The following NALF1 variants were observed in gnomAD, a reference collection of about 807,000 sequenced individuals.
NALF1 encodes NALCN channel auxiliary factor 1.
Under a neutral mutation model 48.4 loss-of-function variants are expected in NALF1, and 3 were observed. The ratio of observed to expected loss-of-function variants is 0.06; its 90% CI spans 0.03 to 0.16. NALF1 has a LOEUF of 0.16. Ranked by LOEUF, NALF1 falls within the 10% of genes least tolerant of loss-of-function variation. The pLI is 1.00. For synonymous variants in NALF1, 262 were observed against 245.7 expected (o/e 1.07, Z -0.62); for missense variants, 526 against 571.5 (o/e 0.92, Z 0.81).
intron 1 of NALF1, among the ~76,000 whole-genome samples, chr13:107,223,905 G>C (rs1880045216): frequency 6.6e-6 from 1 of 152,180 alleles, no homozygotes; most frequent in African/African-American, 2.4e-5. Flanking sequence ...GGCAGAAACA[G>C]AGGGCCTATC....
chr13:107,462,861 C>A (rs776892971), intron 1 of NALF1, among the ~76,000 whole-genome samples: 17 of 152,224 alleles, frequency 1.1e-4, no homozygotes, highest in Non-Finnish European at 1.9e-4. Context: ...GCCCTATGCA[C>A]CTTTTCCCTT....
chr13:107,297,105 C>T (rs867898098), intron 1 of NALF1, among the ~76,000 whole-genome samples: 4 of 151,982 alleles, frequency 2.6e-5, no homozygotes, highest in East Asian at 3.9e-4. Flanking sequence ...GTTGAGCACC[C>T]CGAGCCTCTC....
At chr13:107,622,469 AAC>A (rs1168974310) in intron 1 of NALF1, among the ~76,000 whole-genome samples, 95 of 91,318 alleles carry the variant, frequency 1.0e-3, no homozygotes, top group East Asian at 6.7e-3. Flanking sequence ...CAACAACAAC[AAC>A]AAAAAAAAAA....
At chr13:107,237,057 C>A (rs890240300) in intron 1 of NALF1, among the ~76,000 whole-genome samples, 1 of 149,638 alleles carries the variant, frequency 6.7e-6, no homozygotes, top group Non-Finnish European at 1.5e-5. Context: ...CTGAATCAAT[C>A]CCACACAGAT....
chr13:107,399,040 C>A (rs918430286), intron 1 of NALF1, among the ~76,000 whole-genome samples: 1 of 152,170 alleles, frequency 6.6e-6, no homozygotes, highest in Admixed American at 6.5e-5. Context: ...TAGGTTAGAG[C>A]AAGCACAGCT....
intron 1 of NALF1, among the ~76,000 whole-genome samples, chr13:107,425,697 AT>A (rs1233763522): frequency 4.6e-5 from 7 of 152,134 alleles, no homozygotes; most frequent in African/African-American, 1.7e-4. Flanking sequence ...ATATTATGAT[AT>A]TGAATACCTA....
intron 1 of NALF1, among the ~76,000 whole-genome samples, chr13:107,429,247 G>T (rs112885509): frequency 6.6e-6 from 1 of 151,838 alleles, no homozygotes; most frequent in African/African-American, 2.4e-5. Flanking sequence ...GCCTGAACCC[G>T]GGACATGGAG....
At chr13:107,484,273 T>C (rs889730483) in intron 1 of NALF1, among the ~76,000 whole-genome samples, 2 of 152,198 alleles carry the variant, frequency 1.3e-5, no homozygotes, top group Non-Finnish European at 2.9e-5. Context: ...GTATTCAATA[T>C]GAAATTGAAC....
At chr13:107,761,935 G>T (rs1435655378) in intron 1 of NALF1, among the ~76,000 whole-genome samples, 2 of 152,104 alleles carry the variant, frequency 1.3e-5, no homozygotes, top group East Asian at 3.8e-4. Context: ...ATTTAAATAT[G>T]CCCACTACAT....
At chr13:107,841,953 G>T (rs1880053328) in intron 1 of NALF1, among the ~76,000 whole-genome samples, 1 of 151,758 alleles carries the variant, frequency 6.6e-6, no homozygotes, top group African/African-American at 2.4e-5. Context: ...ATATTAATGA[G>T]TAGCCACATA....
intron 1 of NALF1, among the ~76,000 whole-genome samples, chr13:107,697,595 G>A (rs938604955): frequency 2.0e-5 from 3 of 151,876 alleles, no homozygotes; most frequent in Non-Finnish European, 2.9e-5. Flanking sequence ...GTTTGGTCCT[G>A]AAAATTTTAT....
chr13:107,519,018 T>C (rs761052977), intron 1 of NALF1, among the ~76,000 whole-genome samples: 1 of 152,308 alleles, frequency 6.6e-6, no homozygotes. Flanking sequence ...ACTCAGAGGA[T>C]GTGCATCCGA....
chr13:107,201,993 A>G (rs1176404700), intron 2 of NALF1, among the ~76,000 whole-genome samples: 2 of 152,210 alleles, frequency 1.3e-5, no homozygotes, highest in Admixed American at 6.5e-5. Flanking sequence ...TAAAGGTACA[A>G]CATACCATAT....
At chr13:107,463,478 T>C (rs753589790) in intron 1 of NALF1, among the ~76,000 whole-genome samples, 3 of 152,206 alleles carry the variant, frequency 2.0e-5, no homozygotes, top group Non-Finnish European at 2.9e-5. Flanking sequence ...ATATCAAATT[T>C]TGAAATTTAC....
intron 1 of NALF1, among the ~76,000 whole-genome samples, chr13:107,377,375 C>G (rs1208555189): frequency 6.6e-6 from 1 of 152,214 alleles, no homozygotes; most frequent in Non-Finnish European, 1.5e-5. Flanking sequence ...GCTGTTTCTA[C>G]ACTAGTCACT....
At chr13:107,225,051 C>T (rs1880073837) in intron 1 of NALF1, among the ~76,000 whole-genome samples, 1 of 152,056 alleles carries the variant, frequency 6.6e-6, no homozygotes, top group Non-Finnish European at 1.5e-5. Context: ...TCTTGTCACC[C>T]AGGCTGGAGT....
chr13:107,447,133 G>A (rs940848865), intron 1 of NALF1, among the ~76,000 whole-genome samples: 9 of 152,260 alleles, frequency 5.9e-5, no homozygotes, highest in Admixed American at 3.3e-4. Flanking sequence ...GGTTAAGGCC[G>A]GAGGGGCCAG....
chr13:107,849,583 T>C (rs375975140), intron 1 of NALF1, among the ~76,000 whole-genome samples: 1 of 152,106 alleles, frequency 6.6e-6, no homozygotes, highest in Non-Finnish European at 1.5e-5. Context: ...CTTGGGCTAA[T>C]TGAACATCTT....
intron 1 of NALF1, among the ~76,000 whole-genome samples, chr13:107,714,463 T>C (rs1875689650): frequency 6.6e-6 from 1 of 151,694 alleles, no homozygotes; most frequent in Non-Finnish European, 1.5e-5. Context: ...AGCTCAGGAG[T>C]TCGAGACCAG....
Sources: allele counts gnomAD v4.1 joint callset (sites outside exome capture counted in the v4.1 genomes callset), GRCh38; gene constraint gnomAD v4.1.1; transcripts MANE v1.5; gene names NCBI Gene and HGNC (gene_info 2026-07-23, HGNC 2026-07-21).